APOA5: variants seen among roughly 807,000 people sequenced by gnomAD.
APOA5 encodes apolipoprotein A5.
Under a neutral mutation model 31.8 loss-of-function variants are expected in APOA5, and 26 were observed. The ratio of observed to expected loss-of-function variants is 0.82; its 90% CI spans 0.60 to 1.13. The LOEUF (loss-of-function observed/expected upper bound fraction) is 1.13, where lower values mean the gene tolerates loss of function less well. Ranked by LOEUF, APOA5 falls within the 50% of genes most tolerant of loss-of-function variation. The pLI, the probability that APOA5 is intolerant of heterozygous loss-of-function variation, is 0.00. For synonymous variants in APOA5, 186 were observed against 198.5 expected (o/e 0.94, Z 0.53); for missense variants, 450 against 488.0 (o/e 0.92, Z 0.73).
chr11:116,791,212 G>A (rs1941005198), intron 2 of APOA5, 145 bp from the exon 3 acceptor site: 1 of 759,106 alleles, frequency 1.3e-6, no homozygotes, highest in Non-Finnish European at 2.3e-6. Context: ...TCCTAGCCCT[G>A]GCCAGTAACA....
At position 116,791,042 on chromosome 11, in the gene APOA5, CT is replaced by C. The variant is rs1271269806; in HGVS notation, c.186del (p.Asp63ThrfsTer5). The C allele has an allele frequency of 6.2e-7, 1 of 1,611,476 alleles. No homozygotes were observed. The highest frequency in any genetic ancestry group is 8.5e-7 in the Non-Finnish European group (1 of 1,179,388). ...AGGAACTTGTTCATATTGTTGAGGT[CT>C]TGCTCAAGGCTGTCTTTCAGGGTCC... The part of the protein sequence containing the change: ...EPATLKDSLE[Q>X]DLNNMNKFLE... On this transcript the variant is annotated frameshift_variant, in exon 3 of 3. Coordinates refer to ENST00000227665, the MANE Select transcript of APOA5 (RefSeq NM_001371904.1). LOFTEE classifies it high-confidence loss of function.
At position 116,790,111 on chromosome 11, in the gene APOA5, C is replaced by A. The variant is rs954516793; in HGVS notation, c.*17G>T. 7.4e-6 allele frequency: 12 copies of A among 1,612,378 alleles called. No individual in the cohort carries two copies. Among genetic ancestry groups the A allele is most frequent in the Non-Finnish European group, 9.3e-6 (11 of 1,179,092 alleles). On this transcript the variant is annotated 3_prime_UTR_variant, in exon 3 of 3. Transcript: ENST00000227665. ...CCCCAGACAAGGAGCTGGGAATGGG[C>A]CTGGGCAGGTAGATCCTCAGGGGTC...
chr11:116,792,363 C>G (rs1941028607), upstream of APOA5: 1 of 222,032 alleles, frequency 4.5e-6, no homozygotes, highest in Admixed American at 5.2e-5. Context: ...CCCCATCCCT[C>G]TGCCCCAGCT....
chr11:116,789,811 TG>T lies in APOA5; in HGVS notation c.*316del. ...CTTCCAGCATCACGGCAAACAGGCT[TG>T]CAGATAATCACCCACATGCATGGTG... On this transcript the variant is annotated 3_prime_UTR_variant, in exon 3 of 3. Coordinates refer to ENST00000227665, the MANE Select transcript of APOA5 (RefSeq NM_001371904.1). 2.2e-6 allele frequency: 1 copy of T among 447,874 alleles called. No individual in the cohort carries two copies. Among genetic ancestry groups the T allele is most frequent in the East Asian group, 4.6e-5 (1 of 21,908 alleles). 27.7% of individuals were successfully genotyped at this position (447,874 alleles called of 1,614,324 possible).
chr11:116,791,172 G>A, intron 2 of APOA5, 105 bp from the exon 3 acceptor site: 1 of 1,068,850 alleles, frequency 9.4e-7, no homozygotes, highest in Non-Finnish European at 1.4e-6. Flanking sequence ...CAAGGACGCA[G>A]GGCGTTGGCC....
At chr11:116,791,205 T>TA (rs1382288898) in intron 2 of APOA5, 138 bp from the exon 3 acceptor site, 1 of 788,936 alleles carries the variant, frequency 1.3e-6, no homozygotes, top group Non-Finnish European at 2.2e-6. Context: ...GCTCTTGTCC[T>TA]AGCCCTGGCC....
Position 116,789,558 on chromosome 11 carries a change from C to T in APOA5, c.*570G>A, listed in dbSNP as rs1307875012. On this transcript the variant is annotated 3_prime_UTR_variant, in exon 3 of 3. Coordinates refer to ENST00000227665, the MANE Select transcript of APOA5 (RefSeq NM_001371904.1). ...TCAGGAAACATGGGCTCTGCCCTCT[C>T]CTATCACAGCCCACACCTTTCGTAC... 4 of 187,014 alleles carry T rather than the reference C, an allele frequency of 2.1e-5. No homozygotes were observed. Among genetic ancestry groups the T allele is most frequent in the Non-Finnish European group, 3.4e-5 (3 of 88,092 alleles). 11.6% of individuals were successfully genotyped at this position (187,014 alleles called of 1,614,324 possible).
intron 2 of APOA5, 66 bp downstream of exon 2, chr11:116,791,520 C>G: frequency 6.9e-7 from 1 of 1,451,570 alleles, no homozygotes; most frequent in Non-Finnish European, 9.4e-7. Flanking sequence ...GCAGCAGAGG[C>G]AGGTCATCAT....
rs1164378608 is a variant in APOA5 at position 116,790,205 on chromosome 11, C to T, written c.1024G>A (p.Ala342Thr). The T allele has an allele frequency of 2.5e-6, 4 of 1,614,140 alleles. No individual in the cohort carries two copies. The highest frequency in any genetic ancestry group is 3.4e-6 in the Non-Finnish European group (4 of 1,180,052). The change falls in exon 3 of 3, where the codon GCC becomes ACC. Residue 342 changes from alanine (A) to threonine (T), a missense_variant. Transcript: ENST00000227665. ...DSGKVLSKLQ[A>T]RLDDLWEDIT... Reference sequence around the variant, plus strand: ...TCTTCCCACAGGTCATCCAGACGGGCCTGCAGCTTGCTCAGAACCTTGCCA... The same window carrying T: ...TCTTCCCACAGGTCATCCAGACGGGTCTGCAGCTTGCTCAGAACCTTGCCA...
At position 116,790,147 on chromosome 11, in the gene APOA5, C is replaced by CT; in HGVS notation, c.1081dup (p.Ser361LysfsTer26). The CT allele has an allele frequency of 6.2e-7, 1 of 1,614,204 alleles. No individual in the cohort carries two copies. Among genetic ancestry groups the CT allele is most frequent in the South Asian group, 1.1e-5 (1 of 91,068 alleles). On this transcript the variant is annotated frameshift_variant, in exon 3 of 3. Transcript: ENST00000227665. LOFTEE classifies it high-confidence loss of function. ...AGATCCTCAGGGGTCCCCCAGATGG[C>CT]TGTGGCCCTGGTCATGAAGGCTGTG... is the stretch of plus-strand genomic sequence containing the variant.
At position 116,790,504 on chromosome 11, in the gene APOA5, A is replaced by G; in HGVS notation, c.725T>C (p.Leu242Pro). The part of the protein sequence containing the change: ...SRKLTLKAKA[L>P]HARIQQNLDQ... ...CAGGTTCTGCTGGATGCGTGCGTGC[A>G]GGGCCTTGGCCTTGAGCGTGAGCTT... is the stretch of plus-strand genomic sequence containing the variant. The change falls in exon 3 of 3, where the codon CTG becomes CCG. Residue 242 changes from leucine (L) to proline (P), a missense_variant. Transcript: ENST00000227665. The G allele has an allele frequency of 6.2e-7, 1 of 1,601,328 alleles. No homozygotes were observed. Among genetic ancestry groups the G allele is most frequent in the African/African-American group, 1.3e-5 (1 of 75,040 alleles).
chr11:116,791,467 A>G (rs1388982429), intron 2 of APOA5, 119 bp downstream of exon 2: 5 of 1,085,530 alleles, frequency 4.6e-6, no homozygotes, highest in Admixed American at 2.0e-5. Context: ...CAGAGCTAGC[A>G]CCGCTCCTTT....
At chr11:116,791,266 C>T in intron 2 of APOA5, 199 bp from the exon 3 acceptor site, 1 of 707,300 alleles carries the variant, frequency 1.4e-6, no homozygotes, top group Non-Finnish European at 2.6e-6. Context: ...CAAATCCAGA[C>T]CTACAACACT....
Position 116,790,272 on chromosome 11 carries a change from T to C in APOA5, c.957A>G (p.Pro319=). The C allele has an allele frequency of 1.2e-6, 2 of 1,614,268 alleles. No individual in the cohort carries two copies. The highest frequency in any genetic ancestry group is 8.5e-7 in the Non-Finnish European group (1 of 1,180,042). Residue 319 remains proline, a synonymous_variant, in exon 3 of 3, where the codon CCA becomes CCG. Transcript: ENST00000227665. ...ACTCTGGGGCGAAGGCACTGTGGCC[T>C]GGTGGAGGTGGCGCCAGCTGCTGCT... ...EVQQQLAPPP[P]GHSAFAPEFQ...
Position 116,789,837 on chromosome 11 carries a change from G to A in APOA5, c.*291C>T, listed in dbSNP as rs540668109. The A allele has an allele frequency of 2.0e-5, 10 of 504,492 alleles. No individual in the cohort carries two copies. Among genetic ancestry groups the A allele is most frequent in the African/African-American group, 2.0e-4 (10 of 51,072 alleles). 31.3% of individuals were successfully genotyped at this position (504,492 alleles called of 1,614,324 possible). A position where few individuals can be genotyped will look rare whatever the true frequency, so the allele number is the denominator to read the frequency against. On this transcript the variant is annotated 3_prime_UTR_variant, in exon 3 of 3. Coordinates refer to ENST00000227665, the MANE Select transcript of APOA5 (RefSeq NM_001371904.1). ...GCAGATAATCACCCACATGCATGGT[G>A]CCTCTCCCTCCCTACTCCCTCACCC...
Position 116,789,534 on chromosome 11 carries a change from CA to C in APOA5, c.*593del. On this transcript the variant is annotated 3_prime_UTR_variant, in exon 3 of 3. Transcript: ENST00000227665. Reference sequence around the variant, plus strand: ...CCCTTATTTAGGTGTAGAGCTATGTCAGGAAACATGGGCTCTGCCCTCTCCT... The same window carrying C: ...CCCTTATTTAGGTGTAGAGCTATGTCGGAAACATGGGCTCTGCCCTCTCCT... 64 of 159,974 alleles carry C rather than the reference CA, an allele frequency of 4.0e-4. No individual in the cohort carries two copies. Among genetic ancestry groups the C allele is most frequent in the South Asian group, 2.5e-3 (14 of 5,544 alleles). The allele number at this position is 159,974 out of a possible 1,614,324, so 9.9% of individuals were successfully genotyped here.
In APOA5 at chr11:116,791,697, G is replaced by C; in HGVS notation, c.50C>G (p.Ala17Gly). 6.2e-7 allele frequency: 1 copy of C among 1,608,622 alleles called. No individual in the cohort carries two copies. The highest frequency in any genetic ancestry group is 1.1e-5 in the South Asian group (1 of 90,186). The part of the protein sequence containing the change: ...VLTWALALLS[A>G]FSATQARKGF... ...TTTCCGTGCCTGGGTGGCCGAAAAC[G>C]CTGTGGAGAGGGACTAGGTAATCAG... Residue 17 changes from alanine (A) to glycine (G), a missense_variant and splice_region_variant, in exon 2 of 3, where the codon GCG (alanine) becomes GGG (glycine). Physicochemically the swap from Ala to Gly is moderately conservative, Grantham distance 60 (BLOSUM62 0). Coordinates refer to ENST00000227665, the MANE Select transcript of APOA5 (RefSeq NM_001371904.1).
rs1941000552 is a variant in APOA5 at position 116,791,021 on chromosome 11, A to G, written c.208T>C (p.Phe70Leu). Reference protein sequence around the residue: ...LEQDLNNMNKFLEKLRPLSGS... With the variant: ...LEQDLNNMNKLLEKLRPLSGS... Reference sequence around the variant, plus strand: ...CTCAGAGGCCTCAGCTTTTCCAGGAACTTGTTCATATTGTTGAGGTCTTGC... The same window carrying G: ...CTCAGAGGCCTCAGCTTTTCCAGGAGCTTGTTCATATTGTTGAGGTCTTGC... Residue 70 changes from phenylalanine to leucine, a missense_variant, in exon 3 of 3, where the codon TTC (phenylalanine) becomes CTC (leucine). Coordinates refer to ENST00000227665, the MANE Select transcript of APOA5 (RefSeq NM_001371904.1). The G allele has an allele frequency of 6.2e-7, 1 of 1,610,968 alleles. No homozygotes were observed.
chr11:116,791,269 A>G, intron 2 of APOA5: 1 of 706,922 alleles, frequency 1.4e-6, no homozygotes, highest in South Asian at 1.5e-5. Context: ...ATCCAGACCT[A>G]CAACACTCTC....
Sources: allele counts gnomAD v4.1 joint callset, GRCh38; gene constraint gnomAD v4.1.1; transcripts MANE v1.5; gene names NCBI Gene and HGNC (gene_info 2026-07-23, HGNC 2026-07-21).